Variants in PRDM16 observed in about 807,000 individuals in gnomAD.
The protein encoded by PRDM16 is histone-lysine N-methyltransferase PRDM16.
In PRDM16, 23 loss-of-function variants were observed where a neutral mutation model predicts 110.6. The ratio of observed to expected loss-of-function variants is 0.21; its 90% CI spans 0.15 to 0.29. PRDM16 has a LOEUF of 0.29. Among genes scored for constraint, PRDM16 ranks in the 10% least tolerant of loss-of-function variants. The pLI, the probability that PRDM16 is intolerant of heterozygous loss-of-function variation, is 1.00. For synonymous variants in PRDM16, 799 were observed against 781.8 expected, an observed-to-expected ratio of 1.02 and a Z score of -0.37; for missense variants, 1,615 against 1,794.3, an observed-to-expected ratio of 0.90 and a Z score of 1.81.
At chr1:3,107,142 G>A (rs1390374034) in intron 1 of PRDM16, among the ~76,000 whole-genome samples, 1 of 152,244 alleles carries the variant, frequency 6.6e-6, no homozygotes, top group African/African-American at 2.4e-5. Flanking sequence ...AGGGAAGGAA[G>A]CCGAGGGCCC....
chr1:3,435,470 G>T lies in PRDM16; in HGVS notation c.*1659G>T. The T allele has an allele frequency of 4.4e-6, 1 of 229,650 alleles. No individual in the cohort carries two copies. The allele number at this position is 229,650 out of a possible 1,614,324, so 14.2% of individuals were successfully genotyped here. ...GTTTACCAGACAATCATATGTTTTT[G>T]TTAAATTTGCGTTTCAGTTACATTT... On this transcript the variant is annotated 3_prime_UTR_variant, in exon 17 of 17. Transcript: ENST00000270722.
intron 3 of PRDM16, among the ~76,000 whole-genome samples, chr1:3,269,524 G>A (rs1032607395): frequency 6.9e-6 from 1 of 145,700 alleles, no homozygotes; most frequent in African/African-American, 2.6e-5. Flanking sequence ...TTGGGAGGAG[G>A]ACAGTCGGGG....
At chr1:3,204,526 G>A (rs1015425994) in intron 2 of PRDM16, among the ~76,000 whole-genome samples, 1 of 152,242 alleles carries the variant, frequency 6.6e-6, no homozygotes, top group Non-Finnish European at 1.5e-5. Flanking sequence ...TTCTAGCCCT[G>A]CCCCTGTCCC....
chr1:3,145,086 A>T (rs1643620315), intron 1 of PRDM16, among the ~76,000 whole-genome samples: 1 of 152,182 alleles, frequency 6.6e-6, no homozygotes, highest in African/African-American at 2.4e-5. Context: ...AGCCAGCCCA[A>T]GTAGGCCCCA....
intron 1 of PRDM16, among the ~76,000 whole-genome samples, chr1:3,106,910 C>G (rs1016240469): frequency 2.6e-5 from 4 of 152,164 alleles, no homozygotes; most frequent in African/African-American, 9.7e-5. Flanking sequence ...ATGACAACAG[C>G]GCCTGGGGCC....
intron 1 of PRDM16, among the ~76,000 whole-genome samples, chr1:3,159,223 C>T (rs1643880592): frequency 6.6e-6 from 1 of 152,268 alleles, no homozygotes; most frequent in African/African-American, 2.4e-5. Flanking sequence ...CCTGTCCTGG[C>T]ACCTGAGCTG....
chr1:3,150,004 A>T (rs1346239464), intron 1 of PRDM16, among the ~76,000 whole-genome samples: 1 of 152,234 alleles, frequency 6.6e-6, no homozygotes, highest in Non-Finnish European at 1.5e-5. Flanking sequence ...GGACAAGTGG[A>T]CACTGGCTGG....
intron 1 of PRDM16, among the ~76,000 whole-genome samples, chr1:3,184,240 C>T (rs1569793422): frequency 6.6e-6 from 1 of 152,208 alleles, no homozygotes; most frequent in Non-Finnish European, 1.5e-5. Context: ...ACTTTTCCCC[C>T]CAAGACTTTG....
In PRDM16 at chr1:3,111,713, C is replaced by T. The variant is rs902378553; in HGVS notation, c.37+42417C>T. 1.9e-4 allele frequency among the ~76,000 whole-genome samples: 29 copies of T among 152,258 alleles called. No homozygotes were observed. In the Middle Eastern group the frequency reaches 0.014, roughly 71 times the overall value. On this transcript the variant is annotated intron_variant, in intron 1 of 16. Transcript: ENST00000270722. ...GGCCTTTTGTCTGCTGCCTTGGGCT[C>T]GCCTGTCAGCCCCGCTGTCAGAGGC...
chr1:3,181,654 ACGGTCTT>A (rs1644195819), intron 1 of PRDM16, among the ~76,000 whole-genome samples: 2 of 133,950 alleles, frequency 1.5e-5, no homozygotes, highest in East Asian at 2.9e-4. Flanking sequence ...GGTCTTACAC[ACGGTCTT>A]ACACAGTCTT....
At chr1:3,289,772 C>A (rs1278826530) in intron 3 of PRDM16, among the ~76,000 whole-genome samples, 1 of 152,184 alleles carries the variant, frequency 6.6e-6, no homozygotes, top group East Asian at 1.9e-4. Context: ...AGCTGCTATG[C>A]CTGTGGTGTC....
At chr1:3,116,546 G>A (rs116600940) in intron 1 of PRDM16, among the ~76,000 whole-genome samples, 2,273 of 152,234 alleles carry the variant, frequency 0.015, 53 homozygotes, top group African/African-American at 0.045. Context: ...GTCTTTCCCC[G>A]GCTGGGGCAG....
At chr1:3,205,605 C>T (rs926294386) in intron 2 of PRDM16, among the ~76,000 whole-genome samples, 1 of 151,930 alleles carries the variant, frequency 6.6e-6, no homozygotes, top group Non-Finnish European at 1.5e-5. Flanking sequence ...TGAATTCATA[C>T]ATTAATTAAT....
intron 3 of PRDM16, among the ~76,000 whole-genome samples, chr1:3,267,462 C>T (rs1371105411): frequency 1.3e-5 from 2 of 152,188 alleles, no homozygotes; most frequent in African/African-American, 4.8e-5. Context: ...TGTTGTGAAT[C>T]GTGTTGCTCT....
intron 3 of PRDM16, among the ~76,000 whole-genome samples, chr1:3,338,805 C>T (rs1642213325): frequency 6.6e-6 from 1 of 152,248 alleles, no homozygotes; most frequent in Non-Finnish European, 1.5e-5. Context: ...GCAGGACACA[C>T]TGTGGACACA....
intron 3 of PRDM16, among the ~76,000 whole-genome samples, chr1:3,362,546 C>T (rs1441497212): frequency 6.6e-6 from 1 of 152,078 alleles, no homozygotes; most frequent in Non-Finnish European, 1.5e-5. Context: ...GCCAGGCTCA[C>T]GGTGGGAACC....
Position 3,330,590 on chromosome 1 carries a change from A to C in PRDM16, c.439-54562A>C, listed in dbSNP as rs371965906. Among the ~76,000 whole-genome samples, 25 of 152,170 alleles carry C rather than the reference A, an allele frequency of 1.6e-4. No individual in the cohort carries two copies. The South Asian group carries it at 5.0e-3, about 30-fold the overall frequency. On this transcript the variant is annotated intron_variant, in intron 3 of 16. Transcript: ENST00000270722. ...CTGCCTCAGCAGGGGCCACTTTTCT[A>C]ATCCTGGGGTCTCAGACACACCCTT...
In PRDM16 at chr1:3,143,042, C is replaced by A. The variant is rs1643582229; in HGVS notation, c.38-43083C>A. Among the ~76,000 whole-genome samples, 3 of 152,218 alleles carry A rather than the reference C, an allele frequency of 2.0e-5. No homozygotes were observed. Among genetic ancestry groups the A allele is most frequent in the Admixed American group, 2.0e-4 (3 of 15,288 alleles). ...ATTCGGGCTGTGTTGCTGATGAGAT[C>A]ACATAGGGGCTGGAGAATTCGTACC... On this transcript the variant is annotated intron_variant, in intron 1 of 16. Transcript: ENST00000270722. This position sits in a 1 kb window ranked among gnomAD's most constrained non-coding sequence, Gnocchi z 4.5.
At chr1:3,373,245 G>A (rs1350741710) in intron 3 of PRDM16, among the ~76,000 whole-genome samples, 2 of 152,116 alleles carry the variant, frequency 1.3e-5, no homozygotes, top group African/African-American at 4.8e-5. Context: ...GGCGGGAAAC[G>A]GCAACAATGC....
Sources: gnomAD v4.1 joint callset for allele counts (sites outside exome capture counted in the v4.1 genomes callset) on GRCh38, gnomAD v4.1.1 for gene constraint, Gnocchi (gnomAD v3.1) non-coding constraint, MANE v1.5 for transcripts, NCBI Gene and HGNC (gene_info 2026-07-23, HGNC 2026-07-21) for gene names.